The following CRNKL1 variants were observed in gnomAD, a reference collection of about 807,000 sequenced individuals.
The protein encoded by CRNKL1 is crooked neck pre-mRNA splicing factor 1.
In CRNKL1, 35 loss-of-function variants were observed where a neutral mutation model predicts 103.7. That is an observed-to-expected ratio of 0.34 (90% CI 0.26 to 0.45). CRNKL1 has a LOEUF of 0.45. CRNKL1 is among the 20% of genes least tolerant of loss of function. CRNKL1 has a pLI of 1.00. For synonymous variants in CRNKL1, 267 were observed against 282.6 expected (o/e 0.94, Z 0.55); for missense variants, 645 against 836.0 (o/e 0.77, Z 2.82).
chr20:20,044,434 A>G (rs2146494301), intron 6 of CRNKL1, among the ~76,000 whole-genome samples: 1 of 152,278 alleles, frequency 6.6e-6, no homozygotes, highest in African/African-American at 2.4e-5. Context: ...CCAGTTTGGG[A>G]ATATTTGCAT....
chr20:20,041,825 T>C (rs2043519037), intron 8 of CRNKL1, among the ~76,000 whole-genome samples, 200 bp from the exon 9 acceptor site: 2 of 152,218 alleles, frequency 1.3e-5, no homozygotes, highest in Admixed American at 1.3e-4. Flanking sequence ...ACCAACAAGA[T>C]AGCCACCAAA....
chr20:20,040,349 A>G (rs2043493133), intron 10 of CRNKL1, among the ~76,000 whole-genome samples: 1 of 152,032 alleles, frequency 6.6e-6, no homozygotes, highest in African/African-American at 2.4e-5. Flanking sequence ...AAAAAAGAAA[A>G]AAAAAGTGGA....
At chr20:20,055,122 C>T (rs1367783521), upstream of CRNKL1, among the ~76,000 whole-genome samples, 1 of 152,118 alleles carries the variant, frequency 6.6e-6, no homozygotes, top group Admixed American at 6.5e-5. Flanking sequence ...TTAATAACCA[C>T]GTATTTCATT....
At position 20,036,033 on chromosome 20, in the gene CRNKL1, C is replaced by A. The variant is rs2043413601; in HGVS notation, c.*162G>T. Reference sequence around the variant, plus strand: ...AAAGTCCTTTACTTGCAATCCCTACCCCTAGCTAACCCAAGAGCATTTAAA... The same window carrying A: ...AAAGTCCTTTACTTGCAATCCCTACACCTAGCTAACCCAAGAGCATTTAAA... On this transcript the variant is annotated 3_prime_UTR_variant, in exon 14 of 14. Coordinates refer to ENST00000536226, the MANE Select transcript of CRNKL1 (RefSeq NM_001278628.2). 5 of 721,288 alleles carry A rather than the reference C, an allele frequency of 6.9e-6. No homozygotes were observed. The highest frequency in any genetic ancestry group is 1.1e-5 in the Non-Finnish European group (5 of 464,984). 44.7% of individuals were successfully genotyped at this position (721,288 alleles called of 1,614,324 possible). A position where few individuals can be genotyped will look rare whatever the true frequency, so the allele number is the denominator to read the frequency against.
chr20:20,050,279 C>G (rs2043666541), intron 2 of CRNKL1, among the ~76,000 whole-genome samples, 191 bp downstream of exon 2: 1 of 152,212 alleles, frequency 6.6e-6, no homozygotes, highest in Non-Finnish European at 1.5e-5. Flanking sequence ...TACACTTTAA[C>G]CAGACAACTC....
chr20:20,048,781 AGTAGGTAATT>A (rs2043635317), intron 3 of CRNKL1, among the ~76,000 whole-genome samples: 2 of 152,228 alleles, frequency 1.3e-5, no homozygotes. Flanking sequence ...AAGGCTAAGT[AGTAGGTAATT>A]GTAGAAATGA....
In CRNKL1 at chr20:20,038,251, A is replaced by C. The variant is rs59676123; in HGVS notation, c.1647+98T>G. 11 of 739,698 alleles carry C rather than the reference A, an allele frequency of 1.5e-5. 1 individual carries two copies. The highest frequency in any genetic ancestry group is 3.2e-5 in the Admixed American group (1 of 31,222). 45.8% of individuals were successfully genotyped at this position (739,698 alleles called of 1,614,324 possible). ...CAAGGAAGTCATTAAAAAAAAAAAA[A>C]AAACAAAAACCCAAACACTTAAAAT... On this transcript the variant is annotated intron_variant, in intron 12 of 13. Coordinates refer to ENST00000536226, the MANE Select transcript of CRNKL1 (RefSeq NM_001278628.2).
intron 1 of CRNKL1, among the ~76,000 whole-genome samples, 155 bp downstream of exon 1, chr20:20,052,137 G>A (rs1486054795): frequency 1.3e-5 from 2 of 152,170 alleles, no homozygotes; most frequent in East Asian, 3.9e-4. Context: ...GCGATGACAA[G>A]AGCCCGCGCC....
rs1017759255 is a variant in CRNKL1 at position 20,038,248 on chromosome 20, A to C, written c.1647+101T>G. The stretch of plus-strand genomic sequence containing the variant: ...AAGCAAGGAAGTCATTAAAAAAAAA[A>C]AAAAAACAAAAACCCAAACACTTAA... On this transcript the variant is annotated intron_variant, in intron 12 of 13. Coordinates refer to ENST00000536226, the MANE Select transcript of CRNKL1 (RefSeq NM_001278628.2). 5.0e-5 allele frequency: 36 copies of C among 718,372 alleles called. 1 individual carries two copies. Among genetic ancestry groups the C allele is most frequent in the South Asian group, 2.4e-4 (13 of 53,470 alleles). 44.5% of individuals were successfully genotyped at this position (718,372 alleles called of 1,614,324 possible). A position where few individuals can be genotyped will look rare whatever the true frequency, so the allele number is the denominator to read the frequency against.
At chr20:20,051,585 C>T (rs369808999) in intron 1 of CRNKL1, among the ~76,000 whole-genome samples, 18 of 152,308 alleles carry the variant, frequency 1.2e-4, no homozygotes, top group African/African-American at 4.1e-4. Flanking sequence ...ATATGCATTA[C>T]TCCTGCGAGT....
At chr20:20,048,734 G>A (rs891836071) in intron 3 of CRNKL1, among the ~76,000 whole-genome samples, 2 of 152,148 alleles carry the variant, frequency 1.3e-5, no homozygotes, top group African/African-American at 2.4e-5. Context: ...GATCTGCACG[G>A]GAAACAGAGA....
chr20:20,038,583 T>C, intron 11 of CRNKL1, 133 bp from the exon 12 acceptor site: 4 of 584,732 alleles, frequency 6.8e-6, no homozygotes, highest in Admixed American at 3.3e-5. Flanking sequence ...AAAGAACACA[T>C]GTGGATAAGA....
At chr20:20,045,783 A>T (rs200185) in intron 5 of CRNKL1, among the ~76,000 whole-genome samples, 18,860 of 152,158 alleles carry the variant, frequency 0.12, 1,355 homozygotes, top group African/African-American at 0.2. Flanking sequence ...GATCTTGGAT[A>T]AGTCACTGAA....
At chr20:20,045,618 C>T (rs908905026) in intron 5 of CRNKL1, 132 bp from the exon 6 acceptor site, 7 of 733,532 alleles carry the variant, frequency 9.5e-6, no homozygotes, top group Non-Finnish European at 1.5e-5. Context: ...GAACAAAACA[C>T]ATACAAAAGT....
At chr20:20,048,246 T>C in intron 4 of CRNKL1, 97 bp downstream of exon 4, 2 of 1,346,002 alleles carry the variant, frequency 1.5e-6, no homozygotes, top group Non-Finnish European at 2.1e-6. Context: ...AAAAGTAGGA[T>C]ATCAAATTAA....
chr20:20,041,536 T>C (rs1288481114), intron 9 of CRNKL1, 30 bp downstream of exon 9: 2 of 1,563,912 alleles, frequency 1.3e-6, no homozygotes, highest in African/African-American at 1.4e-5. Flanking sequence ...TCTGACCTGT[T>C]TGAAATGGAA....
In CRNKL1 at chr20:20,035,214, C is replaced by G. The variant is rs2043400590; in HGVS notation, c.*981G>C. 6.6e-6 allele frequency: 1 copy of G among 152,136 alleles called. No homozygotes were observed. The highest frequency in any genetic ancestry group is 6.5e-5 in the Admixed American group (1 of 15,270). 9.4% of individuals were successfully genotyped at this position (152,136 alleles called of 1,614,324 possible). On this transcript the variant is annotated 3_prime_UTR_variant, in exon 14 of 14. Transcript: ENST00000536226. ...GCACACTGGGAGATGTTTACTGGTA[C>G]TCTAGGTAGAAATGACTCCATTGTC...
chr20:20,040,691 C>T lies in CRNKL1; in HGVS notation c.1300G>A (p.Ala434Thr), dbSNP rs139899512. ...RQKNLSLARR[A>T]LGTSIGKCPK... ...TTGATCCTTTCTTTACTTACCAATG[C>T]TCTTCTGGCTAATGACAGATTCTTC... Residue 434 changes from alanine (A) to threonine (T), a missense_variant, in exon 10 of 14, where the codon GCA becomes ACA. By Grantham distance (58) the Ala-to-Thr change is moderately conservative. Around this residue, in one of 2 missense-constraint regions of CRNKL1, gnomAD observed 582 missense variants for 707.7 expected, o/e 0.82. Transcript: ENST00000536226. The T allele has an allele frequency of 4.4e-6, 7 of 1,607,726 alleles. No individual in the cohort carries two copies. Among genetic ancestry groups the T allele is most frequent in the African/African-American group, 4.0e-5 (3 of 74,838 alleles).
intron 5 of CRNKL1, among the ~76,000 whole-genome samples, chr20:20,047,373 A>G (rs2043609869): frequency 6.6e-6 from 1 of 152,164 alleles, no homozygotes; most frequent in Non-Finnish European, 1.5e-5. Context: ...TAATCTAGAG[A>G]TTATTTGAAT....
Sources: gnomAD v4.1 joint callset for allele counts (sites outside exome capture counted in the v4.1 genomes callset) on GRCh38, gnomAD v4.1.1 for gene constraint, gnomAD v4.1.1 regional missense constraint, MANE v1.5 for transcripts, NCBI Gene and HGNC (gene_info 2026-07-23, HGNC 2026-07-21) for gene names.